The following FOXP1 variants were observed in gnomAD, a reference collection of about 807,000 sequenced individuals.
The protein encoded by FOXP1 is forkhead box protein P1.
In FOXP1, 15 loss-of-function variants were observed where a neutral mutation model predicts 98.2. The observed-to-expected ratio is 0.15, with a 90% CI of 0.10 to 0.24. The LOEUF (loss-of-function observed/expected upper bound fraction) is 0.24. Ranked by LOEUF, FOXP1 falls within the 10% of genes least tolerant of loss-of-function variation. FOXP1 has a pLI of 1.00. For synonymous variants in FOXP1, 371 were observed against 314.5 expected (o/e 1.18, Z -1.90); for missense variants, 633 against 848.5 (o/e 0.75, Z 3.15).
At chr3:71,344,102 G>A (rs928710606) in intron 4 of FOXP1, among the ~76,000 whole-genome samples, 2 of 152,190 alleles carry the variant, frequency 1.3e-5, no homozygotes, top group African/African-American at 4.8e-5. Flanking sequence ...CCAGTTGTGT[G>A]AGTACATCCG....
chr3:71,076,710 C>G (rs1315270249), intron 7 of FOXP1, among the ~76,000 whole-genome samples: 1 of 152,188 alleles, frequency 6.6e-6, no homozygotes, highest in East Asian at 1.9e-4. Flanking sequence ...TTACTTATCT[C>G]TTCCTCTTCT....
chr3:71,258,552 T>C (rs1464299947), intron 5 of FOXP1, among the ~76,000 whole-genome samples: 1 of 152,094 alleles, frequency 6.6e-6, no homozygotes, highest in East Asian at 1.9e-4. Flanking sequence ...ACACAGAGAC[T>C]GGGGCCAGGG....
At chr3:71,497,222 T>G (rs1463522445) in intron 2 of FOXP1, among the ~76,000 whole-genome samples, 2 of 152,048 alleles carry the variant, frequency 1.3e-5, no homozygotes, top group Non-Finnish European at 2.9e-5. Flanking sequence ...ATTGTATAAC[T>G]AGAAAAACTA....
intron 5 of FOXP1, among the ~76,000 whole-genome samples, chr3:71,280,308 T>C (rs2107397812): frequency 7.2e-6 from 1 of 138,784 alleles, no homozygotes; most frequent in East Asian, 2.1e-4. Context: ...AATTATCCGG[T>C]ATTTTACAAT....
chr3:71,264,262 T>A (rs1322928133), intron 5 of FOXP1, among the ~76,000 whole-genome samples: 4 of 152,090 alleles, frequency 2.6e-5, no homozygotes, highest in Non-Finnish European at 5.9e-5. Flanking sequence ...AAACCAAATA[T>A]CCTGAAGACT....
At chr3:71,143,329 T>C (rs1357218156) in intron 6 of FOXP1, among the ~76,000 whole-genome samples, 2 of 152,276 alleles carry the variant, frequency 1.3e-5, no homozygotes, top group Admixed American at 1.3e-4. Flanking sequence ...TGGCAGACCA[T>C]GCAAGGGATG....
chr3:71,038,797 G>A (rs574563729), intron 11 of FOXP1, among the ~76,000 whole-genome samples: 14 of 151,758 alleles, frequency 9.2e-5, no homozygotes, highest in Admixed American at 8.5e-4. Context: ...TCAAGTAACT[G>A]GGACTTCAGG....
intron 5 of FOXP1, among the ~76,000 whole-genome samples, chr3:71,217,969 C>A (rs1239666521): frequency 1.3e-5 from 2 of 152,300 alleles, no homozygotes; most frequent in Admixed American, 6.5e-5. Flanking sequence ...AAGGACTACA[C>A]TTCATTGTGT....
chr3:71,132,266 G>T (rs1440373185), intron 6 of FOXP1, among the ~76,000 whole-genome samples: 1 of 152,156 alleles, frequency 6.6e-6, no homozygotes, highest in East Asian at 1.9e-4. Flanking sequence ...AAGCAGTCCA[G>T]TTCCCTAAAA....
chr3:71,175,734 C>T lies in FOXP1; in HGVS notation c.180+22468G>A, dbSNP rs148278436. On this transcript the variant is annotated intron_variant, in intron 6 of 20. Transcript: ENST00000649528. The stretch of plus-strand genomic sequence containing the variant: ...AACCGGAAACAAATATATGCTTTTG[C>T]TGCTAGGGAAATGTACATAGTTTGA... Among the ~76,000 whole-genome samples, 878 of 152,302 alleles carry T rather than the reference C, an allele frequency of 5.8e-3. 6 individuals carry two copies. The highest frequency in any genetic ancestry group is 0.02 in the African/African-American group (828 of 41,554).
At chr3:71,233,172 G>A (rs1394726080) in intron 5 of FOXP1, among the ~76,000 whole-genome samples, 1 of 145,452 alleles carries the variant, frequency 6.9e-6, no homozygotes, top group Non-Finnish European at 1.5e-5. Flanking sequence ...AAGAGGGAAA[G>A]AGAGAAAGCG....
At chr3:71,207,086 T>C (rs1034861326) in intron 5 of FOXP1, among the ~76,000 whole-genome samples, 1 of 152,176 alleles carries the variant, frequency 6.6e-6, no homozygotes, top group South Asian at 2.1e-4. Flanking sequence ...GGCCAGGTGT[T>C]CTGGGGAGCG....
At chr3:71,429,895 C>T (rs574660526) in intron 3 of FOXP1, among the ~76,000 whole-genome samples, 1 of 152,336 alleles carries the variant, frequency 6.6e-6, no homozygotes, top group East Asian at 1.9e-4. Flanking sequence ...AACCTCAAGA[C>T]AAGCCCATTA....
rs1339463204 is a variant in FOXP1, at chr3:71,479,691, AAAG to A, written c.-168+13732_-168+13734del. On this transcript the variant is annotated intron_variant, in intron 3 of 20. Transcript: ENST00000649528. ...CAAAACATCATCTCAAAAAAAAAAA[AAAG>A]AAAAGAAAAGAAAAGAAAAAAAAAG... 4.6e-5 allele frequency among the ~76,000 whole-genome samples: 7 copies of A among 150,750 alleles called. No homozygotes were observed. In the South Asian group the frequency reaches 1.2e-3, roughly 27 times the overall value.
At chr3:71,192,089 G>T (rs533166171) in intron 6 of FOXP1, among the ~76,000 whole-genome samples, 19 of 152,248 alleles carry the variant, frequency 1.2e-4, no homozygotes, top group African/African-American at 4.6e-4. Context: ...CTTTCTGGAA[G>T]TTCCCCTTCT....
chr3:71,406,405 G>GTATA lies in FOXP1; in HGVS notation c.-167-47165_-167-47162dup, dbSNP rs60423991. ...TAATTGACACATAATAACTGTATGT[G>GTATA]TATATATATATATATATATGGTACA... On this transcript the variant is annotated intron_variant, in intron 3 of 20. Coordinates refer to ENST00000649528, the MANE Select transcript of FOXP1 (RefSeq NM_001349338.3). Among the ~76,000 whole-genome samples the GTATA allele has an allele frequency of 4.1e-3, 430 of 105,888 alleles. 52 individuals are homozygous for GTATA. The highest frequency in any genetic ancestry group is 0.017 in the South Asian group (64 of 3,714). 69.5% of individuals were successfully genotyped at this position (105,888 alleles called of 152,430 possible).
At chr3:71,505,879 C>T (rs1024612570) in intron 2 of FOXP1, among the ~76,000 whole-genome samples, 11 of 152,224 alleles carry the variant, frequency 7.2e-5, no homozygotes, top group Admixed American at 7.2e-4. Context: ...GAGATTATCA[C>T]TTCCGCCCGG....
At chr3:71,519,881 G>A (rs2107436143) in intron 2 of FOXP1, among the ~76,000 whole-genome samples, 1 of 152,360 alleles carries the variant, frequency 6.6e-6, no homozygotes, top group Middle Eastern at 3.4e-3. Context: ...CCATAAATGT[G>A]GGGGCCAGTC....
chr3:71,209,375 C>A (rs1357269142), intron 5 of FOXP1, among the ~76,000 whole-genome samples: 3 of 152,190 alleles, frequency 2.0e-5, no homozygotes, highest in African/African-American at 7.2e-5. Flanking sequence ...TTTAATGTTT[C>A]ATCCAGAAGG....
Sources: gnomAD v4.1 joint callset for allele counts (sites outside exome capture counted in the v4.1 genomes callset) on GRCh38, gnomAD v4.1.1 for gene constraint, MANE v1.5 for transcripts, NCBI Gene and HGNC (gene_info 2026-07-23, HGNC 2026-07-21) for gene names.